LARP7: variants seen among roughly 807,000 people sequenced by gnomAD.
LARP7 encodes La ribonucleoprotein 7, transcriptional regulator, also known as la-related protein 7.
In LARP7, 52 loss-of-function variants were observed where a neutral mutation model predicts 69.3. That is an observed-to-expected ratio of 0.75 (90% confidence interval 0.60 to 0.95). The LOEUF is 0.95. Ranked by LOEUF, LARP7 falls within the 40% of genes least tolerant of loss-of-function variation. The pLI, the probability that LARP7 is intolerant of heterozygous loss-of-function variation, is 0.00. For missense variants in LARP7, 733 were observed against 673.0 expected (o/e 1.09, Z -0.99); for synonymous variants, 254 against 215.9 (o/e 1.18, Z -1.55).
Position 112,650,556 on chromosome 4 carries a change from C to A in LARP7, c.1390C>A (p.Pro464Thr), listed in dbSNP as rs994278662. The A allele has an allele frequency of 3.7e-6, 6 of 1,613,406 alleles. No homozygotes were observed. In the African/African-American group the frequency reaches 8.0e-5, roughly 22 times the overall value. ...GVIVKIISTE[P>T]LPGRKQVRDT... ...GATTGTGAAGATCATTAGCACAGAG[C>A]CTCTACCTGGCAGGAAACAAGTCCG... The change falls in exon 10 of 13, where the codon CCT becomes ACT. Residue 464 changes from proline to threonine, a missense_variant. Physicochemically the swap from Pro to Thr is conservative, Grantham distance 38. Transcript: ENST00000344442.
intron 8 of LARP7, chr4:112,648,447 G>A (rs1171864588): frequency 3.7e-6 from 2 of 534,066 alleles, no homozygotes; most frequent in Non-Finnish European, 7.7e-6. Flanking sequence ...CTTCAAATGA[G>A]GTTAGCGTGT....
Position 112,646,409 on chromosome 4 carries a change from GAAGTT to G in LARP7, c.264_268del (p.Lys88AsnfsTer14), listed in dbSNP as rs2048242418. The G allele has an allele frequency of 1.9e-6, 3 of 1,605,524 alleles. No homozygotes were observed. The highest frequency in any genetic ancestry group is 1.1e-5 in the South Asian group (1 of 90,494). On this transcript the variant is annotated frameshift_variant, in exon 3 of 13. Transcript: ENST00000344442. LOFTEE classifies it high-confidence loss of function. ...AAATGAAAAAATTGACTACTGATGG[GAAGTT>G]AATTGCCAGAGCATTGAGAAGTTCA...
chr4:112,656,301 G>A (rs1182223876), intron 12 of LARP7, among the ~76,000 whole-genome samples: 1 of 152,132 alleles, frequency 6.6e-6, no homozygotes, highest in African/African-American at 2.4e-5. Context: ...GGGAGGCTGA[G>A]GCAAGAGAAT....
In LARP7 at chr4:112,646,927, C is replaced by G. The variant is rs2048296995; in HGVS notation, c.524C>G (p.Thr175Arg). 1.3e-6 allele frequency: 2 copies of G among 1,596,320 alleles called. No individual in the cohort carries two copies. Among genetic ancestry groups the G allele is most frequent in the Non-Finnish European group, 1.7e-6 (2 of 1,174,916 alleles). ...GGATTTGCGTTTGTGGAATTTGAAA[C>G]AAAAGAACAAGCAGCAAAAGCAATT... is the stretch of plus-strand genomic sequence containing the variant. The part of the protein sequence containing the change: ...PKGFAFVEFE[T>R]KEQAAKAIEF... The change falls in exon 5 of 13, where the codon ACA becomes AGA. Residue 175 changes from threonine to arginine, a missense_variant. Transcript: ENST00000344442.
Position 112,647,254 on chromosome 4 carries a change from C to T in LARP7, c.702C>T (p.Ile234=), listed in dbSNP as rs1246442922. Residue 234 remains isoleucine, a synonymous_variant, in exon 7 of 13, where the codon ATC becomes ATT. Transcript: ENST00000344442. ...GCCGAATGAAAAAGGAAGACAATAT[C>T]CAAGCCAAAGAAGAAAACATGGACA... ...KKGRMKKEDN[I]QAKEENMDTS... 8 of 1,610,394 alleles carry T rather than the reference C, an allele frequency of 5.0e-6. No individual in the cohort carries two copies. The highest frequency in any genetic ancestry group is 6.8e-6 in the Non-Finnish European group (8 of 1,179,078).
intron 8 of LARP7, chr4:112,648,446 AGG>A: frequency 1.9e-6 from 1 of 534,094 alleles, no homozygotes; most frequent in African/African-American, 1.9e-5. Context: ...CCTTCAAATG[AGG>A]TTAGCGTGTT....
At chr4:112,644,089 A>C (rs2048064580) in intron 1 of LARP7, among the ~76,000 whole-genome samples, 1 of 151,714 alleles carries the variant, frequency 6.6e-6, no homozygotes, top group Admixed American at 6.6e-5. Flanking sequence ...TACAAATACA[A>C]AAATTAGCCG....
chr4:112,638,695 C>G (rs1043384271), intron 1 of LARP7, among the ~76,000 whole-genome samples: 1 of 152,142 alleles, frequency 6.6e-6, no homozygotes, highest in African/African-American at 2.4e-5. Context: ...GCAATAGTAC[C>G]TAGGTTTGTG....
At chr4:112,649,382 T>G (rs188548166) in intron 8 of LARP7, among the ~76,000 whole-genome samples, 153 bp from the exon 9 acceptor site, 54 of 152,336 alleles carry the variant, frequency 3.5e-4, no homozygotes, top group African/African-American at 9.4e-4. Flanking sequence ...CTAAATGTCT[T>G]TAGAACCTAG....
intron 10 of LARP7, 77 bp from the exon 11 acceptor site, chr4:112,653,000 A>G (rs2048813358): frequency 6.2e-6 from 7 of 1,129,378 alleles, no homozygotes; most frequent in Non-Finnish European, 6.2e-6. Flanking sequence ...ATATTCTGGC[A>G]TAACCATTGG....
intron 1 of LARP7, among the ~76,000 whole-genome samples, chr4:112,641,483 C>T (rs553193691): frequency 6.9e-4 from 104 of 151,198 alleles, no homozygotes; most frequent in African/African-American, 2.2e-3. Context: ...TCTGGAGAAT[C>T]GATTATAAGG....
intron 1 of LARP7, among the ~76,000 whole-genome samples, chr4:112,640,409 T>C (rs2047915635): frequency 6.6e-6 from 1 of 152,114 alleles, no homozygotes; most frequent in Non-Finnish European, 1.5e-5. Context: ...GACAATAAAA[T>C]TAAAATTCCA....
At chr4:112,655,003 C>CA (rs916695747) in intron 12 of LARP7, among the ~76,000 whole-genome samples, 19,613 of 117,102 alleles carry the variant, frequency 0.17, 2,016 homozygotes, top group African/African-American at 0.34. Flanking sequence ...CATATTTATA[C>CA]AAAAAAAAAA....
intron 1 of LARP7, among the ~76,000 whole-genome samples, chr4:112,641,869 T>C (rs1487032127): frequency 6.6e-6 from 1 of 152,040 alleles, no homozygotes; most frequent in Non-Finnish European, 1.5e-5. Context: ...GGGGAGCTAA[T>C]GGGAGAAGAT....
At chr4:112,651,065 G>A (rs749383938) in intron 10 of LARP7, among the ~76,000 whole-genome samples, 1 of 151,998 alleles carries the variant, frequency 6.6e-6, no homozygotes, top group Non-Finnish European at 1.5e-5. Context: ...ATACCACATT[G>A]GTAGCAATAC....
chr4:112,657,319 T>C lies in LARP7; in HGVS notation c.1741T>C (p.Tyr581His). 2.5e-6 allele frequency: 4 copies of C among 1,568,910 alleles called. No individual in the cohort carries two copies. Among genetic ancestry groups the C allele is most frequent in the Non-Finnish European group, 3.5e-6 (4 of 1,152,998 alleles). Reference sequence around the variant, plus strand: ...GAGTAAACATATAAGATTTTCTGAATATGATTGAAAAAAAAAACAGTTCAC... The same window carrying C: ...GAGTAAACATATAAGATTTTCTGAACATGATTGAAAAAAAAAACAGTTCAC... Reference protein sequence around the residue: ...QASKHIRFSEYD With the variant: ...QASKHIRFSEHD Residue 581 changes from tyrosine to histidine, a missense_variant, in exon 13 of 13, where the codon TAT becomes CAT. By Grantham distance (83) the Tyr-to-His change is moderately conservative (BLOSUM62 2). Coordinates refer to ENST00000344442, the MANE Select transcript of LARP7 (RefSeq NM_016648.4).
At chr4:112,644,942 A>ATTATTTTTT in intron 2 of LARP7, 71 bp downstream of exon 2, 1 of 235,632 alleles carries the variant, frequency 4.2e-6, no homozygotes, top group Non-Finnish European at 6.5e-6. Flanking sequence ...AAAATAATAT[A>ATTATTTTTT]TTCTTTTTTT....
At position 112,644,832 on chromosome 4, in the gene LARP7, A is replaced by G. The variant is rs2048101455; in HGVS notation, c.163A>G (p.Arg55Gly). 1.2e-6 allele frequency: 2 copies of G among 1,604,072 alleles called. No individual in the cohort carries two copies. The highest frequency in any genetic ancestry group is 1.7e-6 in the Non-Finnish European group (2 of 1,173,860). Residue 55 changes from arginine to glycine, a missense_variant, in exon 2 of 13, where the codon AGA becomes GGA. Transcript: ENST00000344442. ...WFGDANLHKD[R>G]FLREQIEKSR... ...TGGGGATGCAAATCTTCACAAGGAT[A>G]GATTTCTTCGAGAACAGATAGAAAA...
At chr4:112,646,005 G>A (rs1413464958) in intron 2 of LARP7, among the ~76,000 whole-genome samples, 1 of 150,694 alleles carries the variant, frequency 6.6e-6, no homozygotes, top group South Asian at 2.1e-4. Context: ...GTTTTTTTTT[G>A]TTTGTTTTGT....
Sources: gnomAD v4.1 joint callset for allele counts (sites outside exome capture counted in the v4.1 genomes callset) on GRCh38, gnomAD v4.1.1 for gene constraint, MANE v1.5 for transcripts, NCBI Gene and HGNC (gene_info 2026-07-23, HGNC 2026-07-21) for gene names.